The following GUCY1B1 variants were observed in gnomAD, a reference collection of about 807,000 sequenced individuals.
GUCY1B1 encodes guanylate cyclase soluble subunit beta-1.
GUCY1B1 carries 43 observed loss-of-function variants against 71.0 expected under a neutral mutation model. The ratio of observed to expected loss-of-function variants is 0.61; its 90% CI spans 0.47 to 0.78. The LOEUF is 0.78. Ranked by LOEUF, GUCY1B1 falls within the 30% of genes least tolerant of loss-of-function variation. The pLI, the probability that GUCY1B1 is intolerant of heterozygous loss-of-function variation, is 0.00. For synonymous variants in GUCY1B1, 266 were observed against 259.7 expected (o/e 1.02, Z -0.23); for missense variants, 535 against 754.1 (o/e 0.71, Z 3.40).
intron 4 of GUCY1B1, among the ~76,000 whole-genome samples, chr4:155,786,328 C>G (rs991284336): frequency 1.1e-4 from 15 of 139,320 alleles, no homozygotes; most frequent in African/African-American, 3.6e-4. Flanking sequence ...GGCTGGAGTG[C>G]AGTGGTGAGA....
At chr4:155,789,386 C>T (rs980278080) in intron 4 of GUCY1B1, among the ~76,000 whole-genome samples, 1 of 152,206 alleles carries the variant, frequency 6.6e-6, no homozygotes, top group Non-Finnish European at 1.5e-5. Context: ...CTGCCCCAAG[C>T]TCTTGTAAAT....
chr4:155,776,710 A>G (rs1002738132), intron 3 of GUCY1B1, among the ~76,000 whole-genome samples: 1 of 152,180 alleles, frequency 6.6e-6, no homozygotes, highest in Admixed American at 6.5e-5. Context: ...TTTAAGTTTT[A>G]GGAAATATTA....
At chr4:155,761,348 CTA>C (rs113451558) in intron 2 of GUCY1B1, among the ~76,000 whole-genome samples, 13 of 150,570 alleles carry the variant, frequency 8.6e-5, no homozygotes, top group Admixed American at 1.3e-4. Context: ...TTTATAAATG[CTA>C]TATATATATA....
intron 6 of GUCY1B1, among the ~76,000 whole-genome samples, chr4:155,794,904 T>A (rs1370781462): frequency 6.6e-6 from 1 of 152,208 alleles, no homozygotes; most frequent in Non-Finnish European, 1.5e-5. Flanking sequence ...TTGTAAGCAA[T>A]CAATCAGTGT....
intron 2 of GUCY1B1, among the ~76,000 whole-genome samples, chr4:155,769,657 C>T (rs1031232471): frequency 4.6e-5 from 7 of 151,980 alleles, no homozygotes; most frequent in Non-Finnish European, 7.4e-5. Flanking sequence ...GATAGATGAG[C>T]ACTCTTGAAC....
chr4:155,788,556 C>T (rs1738953160), intron 4 of GUCY1B1, among the ~76,000 whole-genome samples: 1 of 152,218 alleles, frequency 6.6e-6, no homozygotes, highest in South Asian at 2.1e-4. Flanking sequence ...ACCCTCATCA[C>T]ATCTGCAAAA....
In GUCY1B1 at chr4:155,802,136, A is replaced by G. The variant is rs996935663; in HGVS notation, c.1176-206A>G. Reference sequence around the variant, plus strand: ...TTTGGGCTTGCGGATGTCTTATGTGATTAGGATGAACAAATAATTTATGTT... The same window carrying G: ...TTTGGGCTTGCGGATGTCTTATGTGGTTAGGATGAACAAATAATTTATGTT... On this transcript the variant is annotated intron_variant, in intron 9 of 13. Transcript: ENST00000264424. The surrounding 1 kb of genome is among the most constrained non-coding windows in gnomAD (Gnocchi z 4.3). The G allele has an allele frequency of 2.5e-6, 3 of 1,215,184 alleles. No individual in the cohort carries two copies. In the Admixed American group the frequency reaches 8.3e-5, roughly 33 times the overall value. 75.3% of individuals were successfully genotyped at this position (1,215,184 alleles called of 1,614,324 possible). A position where few individuals can be genotyped will look rare whatever the true frequency, so the allele number is the denominator to read the frequency against.
chr4:155,801,076 G>A (rs1303465483), intron 9 of GUCY1B1, among the ~76,000 whole-genome samples: 2 of 152,138 alleles, frequency 1.3e-5, no homozygotes, highest in Non-Finnish European at 2.9e-5. Context: ...TACTGAAAAA[G>A]CTCTTAATTC....
At chr4:155,759,593 A>G (rs1043112764) in intron 1 of GUCY1B1, 194 bp from the exon 2 acceptor site, 1 of 540,846 alleles carries the variant, frequency 1.8e-6, no homozygotes, top group Admixed American at 3.6e-5. Flanking sequence ...TGACGGGGAG[A>G]ATCCACCAGG....
At chr4:155,781,375 C>T (rs1738404528) in intron 4 of GUCY1B1, among the ~76,000 whole-genome samples, 2 of 152,118 alleles carry the variant, frequency 1.3e-5, no homozygotes, top group Admixed American at 1.3e-4. Context: ...TTTCCATTCA[C>T]AGTTGACTTA....
intron 2 of GUCY1B1, among the ~76,000 whole-genome samples, chr4:155,762,409 A>G (rs1490813085): frequency 1.3e-5 from 2 of 152,200 alleles, no homozygotes; most frequent in African/African-American, 4.8e-5. Context: ...ATTGATGTTT[A>G]TACAAATTTA....
At chr4:155,786,266 A>G (rs1035459450) in intron 4 of GUCY1B1, among the ~76,000 whole-genome samples, 13 of 111,520 alleles carry the variant, frequency 1.2e-4, no homozygotes, top group South Asian at 6.4e-4. Context: ...GTTTGGTTCA[A>G]TTTCCTTTTT....
intron 3 of GUCY1B1, among the ~76,000 whole-genome samples, chr4:155,776,487 T>C (rs144050025): frequency 0.011 from 1,713 of 152,186 alleles, 16 homozygotes; most frequent in Non-Finnish European, 0.018. Flanking sequence ...CTGGCCAACA[T>C]GGTGAAACCC....
At chr4:155,790,419 A>C (rs1401882134) in intron 5 of GUCY1B1, among the ~76,000 whole-genome samples, 1 of 152,226 alleles carries the variant, frequency 6.6e-6, no homozygotes, top group Non-Finnish European at 1.5e-5. Flanking sequence ...GAAAGAAGCC[A>C]GGTCTGGTAC....
chr4:155,801,572 C>G (rs1177513703), intron 9 of GUCY1B1, among the ~76,000 whole-genome samples: 3 of 152,106 alleles, frequency 2.0e-5, no homozygotes, highest in Non-Finnish European at 4.4e-5. Context: ...TTAAACTTCC[C>G]ACATATGCCC....
chr4:155,759,726 C>G (rs1736832675), intron 1 of GUCY1B1, 61 bp from the exon 2 acceptor site: 8 of 1,281,792 alleles, frequency 6.2e-6, no homozygotes, highest in Non-Finnish European at 9.1e-6. Context: ...CAGCCTCGCC[C>G]CCAAGCCGCT....
At chr4:155,786,562 C>T (rs1738799621) in intron 4 of GUCY1B1, among the ~76,000 whole-genome samples, 2 of 147,258 alleles carry the variant, frequency 1.4e-5, no homozygotes, top group Admixed American at 6.8e-5. Context: ...CTCCACCTCC[C>T]GGGTTCATGC....
In GUCY1B1 at chr4:155,807,667, C is replaced by T. The variant is rs1740407114; in HGVS notation, c.*1258C>T. 6.6e-6 allele frequency: 1 copy of T among 151,852 alleles called. No homozygotes were observed. Among genetic ancestry groups the T allele is most frequent in the Admixed American group, 6.6e-5 (1 of 15,224 alleles). The allele number at this position is 151,852 out of a possible 1,614,324, so 9.4% of individuals were successfully genotyped here. ...TATTAATGCCATTATTTTGTAAATA[C>T]ATTTTACAATTTTGCCTATTTGCTA... On this transcript the variant is annotated 3_prime_UTR_variant, in exon 14 of 14. Transcript: ENST00000264424.
chr4:155,759,528 C>T (rs1436578806), intron 1 of GUCY1B1: 2 of 506,552 alleles, frequency 3.9e-6, no homozygotes, highest in Non-Finnish European at 3.4e-6. Flanking sequence ...CAGCCTCTCC[C>T]GGAGCGGTGA....
Sources: gnomAD v4.1 joint callset for allele counts (sites outside exome capture counted in the v4.1 genomes callset) on GRCh38, gnomAD v4.1.1 for gene constraint, Gnocchi (gnomAD v3.1) non-coding constraint, MANE v1.5 for transcripts, NCBI Gene and HGNC (gene_info 2026-07-23, HGNC 2026-07-21) for gene names.